The following ELF1 variants were observed in gnomAD, a reference collection of about 807,000 sequenced individuals.
The protein encoded by ELF1 is E74 like ETS transcription factor 1.
Under a neutral mutation model 59.9 loss-of-function variants are expected in ELF1, and 24 were observed. The observed-to-expected ratio is 0.40, with a 90% CI of 0.29 to 0.56. The LOEUF is 0.56. Ranked by LOEUF, ELF1 falls within the 20% of genes least tolerant of loss-of-function variation. ELF1 has a pLI of 0.44. For synonymous variants in ELF1, 248 were observed against 266.2 expected (o/e 0.93, Z 0.67); for missense variants, 627 against 742.2 (o/e 0.84, Z 1.80).
intron 1 of ELF1, among the ~76,000 whole-genome samples, chr13:41,052,601 A>C (rs776766714): frequency 4.6e-5 from 7 of 152,186 alleles, no homozygotes; most frequent in Non-Finnish European, 7.3e-5. Flanking sequence ...CTGTAATCCC[A>C]GCACTTTAGA....
intron 1 of ELF1, among the ~76,000 whole-genome samples, chr13:40,990,964 G>A (rs1024266714): frequency 6.6e-6 from 1 of 152,014 alleles, no homozygotes; most frequent in African/African-American, 2.4e-5. Flanking sequence ...AAGTTTGAGA[G>A]ACTGTCACAA....
chr13:40,967,054 C>T (rs1234565293), intron 2 of ELF1, among the ~76,000 whole-genome samples: 1 of 152,208 alleles, frequency 6.6e-6, no homozygotes, highest in Non-Finnish European at 1.5e-5. Context: ...ACTGCACTTG[C>T]TATGAAAACA....
At chr13:41,060,959 C>A in exon 1 of ELF1, 1 of 346,066 alleles carries the variant, frequency 2.9e-6, no homozygotes, top group Non-Finnish European at 5.8e-6. Flanking sequence ...CTGCTGCCCA[C>A]ACGCTCCCGA....
At chr13:40,938,688 T>C (rs1044903180) in intron 8 of ELF1, among the ~76,000 whole-genome samples, 9 of 152,128 alleles carry the variant, frequency 5.9e-5, no homozygotes, top group African/African-American at 1.7e-4. Context: ...AAGAGTGCTC[T>C]GTGTCAGCTC....
rs78556454 is a variant in ELF1 at position 41,016,297 on chromosome 13, T to C, written c.-229+2931A>G. On this transcript the variant is annotated intron_variant, in intron 1 of 8. Transcript: ENST00000239882. Reference sequence around the variant, plus strand: ...TTAGGGCACTCAGAAATTTAGGAGATTCAGCAGTTATGCATAAACCATTAA... The same window carrying C: ...TTAGGGCACTCAGAAATTTAGGAGACTCAGCAGTTATGCATAAACCATTAA... 2.8e-3 allele frequency among the ~76,000 whole-genome samples: 425 copies of C among 152,254 alleles called. 2 individuals carry two copies. Among genetic ancestry groups the C allele is most frequent in the African/African-American group, 9.7e-3 (404 of 41,542 alleles).
chr13:40,962,141 G>C (rs893828848), intron 2 of ELF1, among the ~76,000 whole-genome samples: 2 of 152,078 alleles, frequency 1.3e-5, no homozygotes, highest in Non-Finnish European at 2.9e-5. Context: ...TTCTACCACA[G>C]TGCCCTTCCC....
chr13:40,953,745 C>T (rs1442127134), intron 3 of ELF1, among the ~76,000 whole-genome samples: 1 of 152,168 alleles, frequency 6.6e-6, no homozygotes, highest in African/African-American at 2.4e-5. Context: ...AAAGGCTCCC[C>T]GTCACCCCCA....
At chr13:40,970,128 A>T (rs1263438135) in intron 2 of ELF1, among the ~76,000 whole-genome samples, 2 of 152,236 alleles carry the variant, frequency 1.3e-5, no homozygotes, top group Non-Finnish European at 2.9e-5. Flanking sequence ...ACTGTTCTGC[A>T]TTATCCCATC....
chr13:41,053,599 A>C (rs968165863), intron 1 of ELF1, among the ~76,000 whole-genome samples: 1 of 152,106 alleles, frequency 6.6e-6, no homozygotes, highest in African/African-American at 2.4e-5. Flanking sequence ...CAAGCCCTAA[A>C]TGGCTACCCC....
intron 1 of ELF1, among the ~76,000 whole-genome samples, chr13:41,059,319 G>A (rs577118918): frequency 6.6e-6 from 1 of 152,180 alleles, no homozygotes; most frequent in African/African-American, 2.4e-5. Context: ...CTATCCACTA[G>A]CTAACATAAA....
At chr13:41,057,863 C>T (rs1028490184) in intron 1 of ELF1, among the ~76,000 whole-genome samples, 1 of 152,166 alleles carries the variant, frequency 6.6e-6, no homozygotes, top group Non-Finnish European at 1.5e-5. Flanking sequence ...TTAAGATATA[C>T]GTCTTACTGA....
intron 1 of ELF1, among the ~76,000 whole-genome samples, chr13:41,004,722 G>A (rs750372125): frequency 6.6e-6 from 1 of 152,036 alleles, no homozygotes; most frequent in African/African-American, 2.4e-5. Context: ...ATATTTCATA[G>A]TGAATTTATA....
intron 3 of ELF1, among the ~76,000 whole-genome samples, chr13:40,953,569 C>A (rs536658999): frequency 1.3e-5 from 2 of 152,204 alleles, no homozygotes; most frequent in African/African-American, 4.8e-5. Flanking sequence ...TCTCAGACTT[C>A]TAGCTTCCAG....
chr13:41,025,508 A>G (rs1318715733), intron 1 of ELF1, among the ~76,000 whole-genome samples: 1 of 152,206 alleles, frequency 6.6e-6, no homozygotes, highest in Non-Finnish European at 1.5e-5. Context: ...CCATACATTT[A>G]AGTCTTCACT....
chr13:40,951,298 TACATAA>T (rs762198726), intron 4 of ELF1, 25 bp downstream of exon 4: 141 of 1,528,286 alleles, frequency 9.2e-5, no homozygotes, highest in Non-Finnish European at 1.2e-4. Context: ...CTTAACAAAG[TACATAA>T]ACATAAACAA....
intron 1 of ELF1, among the ~76,000 whole-genome samples, chr13:41,051,315 G>A (rs758316202): frequency 1.3e-5 from 2 of 151,704 alleles, no homozygotes; most frequent in Non-Finnish European, 2.9e-5. Context: ...CTTATGTTTT[G>A]CCTCCCTTCA....
intron 2 of ELF1, among the ~76,000 whole-genome samples, chr13:40,976,090 C>T (rs1872886786): frequency 1.3e-5 from 2 of 152,170 alleles, no homozygotes; most frequent in Non-Finnish European, 2.9e-5. Context: ...AAAAAGTATG[C>T]TTTGTTCTAA....
chr13:41,060,169 C>A (rs576732352), intron 1 of ELF1, among the ~76,000 whole-genome samples: 22 of 152,280 alleles, frequency 1.4e-4, no homozygotes, highest in African/African-American at 5.1e-4. Flanking sequence ...GGGCGCCGGG[C>A]GGCTGCGCGG....
Position 40,963,178 on chromosome 13 carries a change from T to C in ELF1, c.73-4162A>G, listed in dbSNP as rs141371183. On this transcript the variant is annotated intron_variant, in intron 2 of 8. Coordinates refer to ENST00000239882, the MANE Select transcript of ELF1 (RefSeq NM_172373.4). ...AATAATCTACTCCAAGTCATAAACC[T>C]AACTTGAACTGACTCCAGGGTCCAT... Among the ~76,000 whole-genome samples the C allele has an allele frequency of 5.1e-3, 779 of 152,328 alleles. 9 individuals are homozygous for C. The highest frequency in any genetic ancestry group is 0.018 in the African/African-American group (750 of 41,574).
Sources: allele counts gnomAD v4.1 joint callset (sites outside exome capture counted in the v4.1 genomes callset), GRCh38; gene constraint gnomAD v4.1.1; transcripts MANE v1.5; gene names NCBI Gene and HGNC (gene_info 2026-07-23, HGNC 2026-07-21).